Variants in XKR3 observed in about 807,000 individuals in gnomAD.
XKR3 encodes XK-related protein 3.
Under a neutral mutation model 40.3 loss-of-function variants are expected in XKR3, and 27 were observed. That is an observed-to-expected ratio of 0.67 (90% CI 0.49 to 0.92). XKR3 has a LOEUF of 0.92. XKR3 is among the 40% of genes least tolerant of loss of function. XKR3 has a pLI of 0.00. For synonymous variants in XKR3, 193 were observed against 195.4 expected (o/e 0.99, Z 0.10); for missense variants, 472 against 537.6 (o/e 0.88, Z 1.21).
chr22:16,784,124 C>A lies in XKR3; in HGVS notation c.875G>T (p.Gly292Val). The change falls in exon 4 of 4, where the codon GGC becomes GTC. Residue 292 changes from glycine to valine, a missense_variant. Transcript: ENST00000684488. ...EFWKSGAHLP[G>V]NKENNSNMVG... ...CATATTGGAATTATTTTCTTTGTTG[C>A]CAGGAAGATGAGCTCCACTTTTCCA... The A allele has an allele frequency of 1.2e-6, 2 of 1,614,108 alleles. No homozygotes were observed. The highest frequency in any genetic ancestry group is 1.7e-6 in the Non-Finnish European group (2 of 1,180,034).
chr22:16,812,815 A>T (rs2060217981), intron 1 of XKR3, among the ~76,000 whole-genome samples: 1 of 152,108 alleles, frequency 6.6e-6, no homozygotes, highest in Admixed American at 6.5e-5. Flanking sequence ...ATTCTATACC[A>T]GCTTCCCCCT....
At chr22:16,813,120 T>C (rs1402305131) in intron 1 of XKR3, among the ~76,000 whole-genome samples, 3 of 151,948 alleles carry the variant, frequency 2.0e-5, no homozygotes, top group Admixed American at 6.6e-5. Context: ...CCGTCTCTAC[T>C]AAAAATACAA....
At chr22:16,821,316 A>G (rs910464876) in intron 1 of XKR3, among the ~76,000 whole-genome samples, 2 of 152,186 alleles carry the variant, frequency 1.3e-5, no homozygotes, top group Non-Finnish European at 2.9e-5. Context: ...GAAAAATATC[A>G]ATAGAAAGAA....
chr22:16,814,542 T>G (rs2060225597), intron 1 of XKR3, among the ~76,000 whole-genome samples: 1 of 152,190 alleles, frequency 6.6e-6, no homozygotes, highest in South Asian at 2.1e-4. Flanking sequence ...GAGACTTAAT[T>G]GAAACTGTAG....
At chr22:16,822,254 T>C (rs992657848) in intron 1 of XKR3, among the ~76,000 whole-genome samples, 4 of 152,106 alleles carry the variant, frequency 2.6e-5, no homozygotes, top group Non-Finnish European at 5.9e-5. Context: ...TGTTTTAACA[T>C]TGTCCATAGA....
chr22:16,785,575 C>T (rs1242125471), intron 3 of XKR3, among the ~76,000 whole-genome samples: 6 of 151,740 alleles, frequency 4.0e-5, no homozygotes, highest in African/African-American at 1.5e-4. Flanking sequence ...AAAAAAAATA[C>T]ACTCTTCAGC....
intron 1 of XKR3, among the ~76,000 whole-genome samples, chr22:16,818,917 C>T (rs562208963): frequency 3.3e-5 from 5 of 152,230 alleles, no homozygotes; most frequent in East Asian, 1.9e-4. Context: ...GGGAGTTAAG[C>T]ATCTACCACC....
At position 16,808,059 on chromosome 22, in the gene XKR3, A is replaced by C. The variant is rs370101291; in HGVS notation, c.15T>G (p.Phe5Leu). ...CTGTGCTTTCTTCATCCATCTCTTCAAACACTGTCTCCATTCTCAGGGTGC... is the reference window on the plus strand; with the variant it reads ...CTGTGCTTTCTTCATCCATCTCTTCCAACACTGTCTCCATTCTCAGGGTGC... METVFEEMDEESTGG... is the reference protein window; with the variant it reads METVLEEMDEESTGG... Residue 5 changes from phenylalanine (F) to leucine (L), a missense_variant, in exon 2 of 4, where the codon TTT (phenylalanine) becomes TTG (leucine). By Grantham distance (22) the Phe-to-Leu change is conservative. Coordinates refer to ENST00000684488, the MANE Select transcript of XKR3 (RefSeq NM_001386955.1). 7.3e-5 allele frequency: 117 copies of C among 1,604,474 alleles called. No individual in the cohort carries two copies. In the African/African-American group the frequency reaches 1.5e-3, roughly 20 times the overall value.
intron 2 of XKR3, among the ~76,000 whole-genome samples, chr22:16,802,049 C>T (rs191603083): frequency 2.6e-5 from 4 of 152,260 alleles, no homozygotes; most frequent in African/African-American, 4.8e-5. Context: ...CCAAAGTCTC[C>T]TCTGTCATTG....
chr22:16,817,913 T>C (rs1427121504), intron 1 of XKR3, among the ~76,000 whole-genome samples: 4 of 152,172 alleles, frequency 2.6e-5, no homozygotes, highest in Admixed American at 2.0e-4. Flanking sequence ...ATTATTACTA[T>C]ATCCCTTCTG....
At chr22:16,789,595 G>C (rs1186942177) in intron 3 of XKR3, among the ~76,000 whole-genome samples, 3 of 152,038 alleles carry the variant, frequency 2.0e-5, no homozygotes, top group African/African-American at 7.2e-5. Context: ...ATGTTTATAG[G>C]ACCCAAATAG....
chr22:16,801,016 A>C (rs542337586), intron 2 of XKR3, among the ~76,000 whole-genome samples: 1 of 152,258 alleles, frequency 6.6e-6, no homozygotes, highest in African/African-American at 2.4e-5. Flanking sequence ...ACAAAATTAC[A>C]AAAAAATGTA....
intron 1 of XKR3, among the ~76,000 whole-genome samples, chr22:16,820,695 C>T (rs866362064): frequency 6.7e-6 from 1 of 149,618 alleles, no homozygotes; most frequent in Non-Finnish European, 1.5e-5. Context: ...CAATCACTTA[C>T]TATGCTTACT....
rs2060246972 is a variant in XKR3 at position 16,819,433 on chromosome 22, G to A, written c.-11+5858C>T. ...TAGATTCATAAAAAATGTAGAAAAG[G>A]AAGCCCAGAAATAGAGTCACACTGA... On this transcript the variant is annotated intron_variant, in intron 1 of 3. Coordinates refer to ENST00000684488, the MANE Select transcript of XKR3 (RefSeq NM_001386955.1). 3.9e-5 allele frequency among the ~76,000 whole-genome samples: 6 copies of A among 152,162 alleles called. No individual in the cohort carries two copies. The South Asian group carries it at 1.0e-3, about 26-fold the overall frequency.
At chr22:16,815,067 A>G (rs550788913) in intron 1 of XKR3, among the ~76,000 whole-genome samples, 1 of 152,084 alleles carries the variant, frequency 6.6e-6, no homozygotes. Context: ...AGGTTTTTGC[A>G]TTAAGTTTCA....
chr22:16,800,806 T>C lies in XKR3; in HGVS notation c.336-782A>G, dbSNP rs552961673. On this transcript the variant is annotated intron_variant, in intron 2 of 3. Transcript: ENST00000684488. The stretch of plus-strand genomic sequence containing the variant: ...CAAGATGACCCCAACGTATTTCCTA[T>C]GTAAAATTTACCAAACCAAAAAATA... 3.9e-5 allele frequency among the ~76,000 whole-genome samples: 6 copies of C among 152,300 alleles called. No homozygotes were observed. The East Asian group carries it at 9.6e-4, about 24-fold the overall frequency.
At chr22:16,791,778 G>GGAGA (rs763159994) in intron 3 of XKR3, among the ~76,000 whole-genome samples, 196 of 123,214 alleles carry the variant, frequency 1.6e-3, no homozygotes, top group Admixed American at 5.6e-3. Flanking sequence ...GGAGAGAGAG[G>GGAGA]GAGAGAGAGA....
intron 1 of XKR3, among the ~76,000 whole-genome samples, chr22:16,815,783 T>C (rs548366435): frequency 1.3e-5 from 2 of 152,110 alleles, no homozygotes; most frequent in East Asian, 3.9e-4. Context: ...CTCACTACAA[T>C]TGTGATTTGT....
At chr22:16,788,826 G>A (rs2060102371) in intron 3 of XKR3, among the ~76,000 whole-genome samples, 2 of 151,822 alleles carry the variant, frequency 1.3e-5, no homozygotes, top group South Asian at 2.1e-4. Context: ...CAGGAATACA[G>A]GAATGGTTTA....
Sources: allele counts gnomAD v4.1 joint callset (sites outside exome capture counted in the v4.1 genomes callset), GRCh38; gene constraint gnomAD v4.1.1; transcripts MANE v1.5; gene names NCBI Gene and HGNC (gene_info 2026-07-23, HGNC 2026-07-21).